MACROD2: variants seen among roughly 807,000 people sequenced by gnomAD.
The protein encoded by MACROD2 is mono-ADP ribosylhydrolase 2.
A neutral mutation model predicts 70.4 loss-of-function variants in MACROD2; 36 were observed. That is an observed-to-expected ratio of 0.51 (90% confidence interval 0.39 to 0.68). The LOEUF (loss-of-function observed/expected upper bound fraction) is 0.68. Ranked by LOEUF, MACROD2 falls within the 30% of genes least tolerant of loss-of-function variation. The pLI is 0.00. For missense variants in MACROD2, 496 were observed against 538.4 expected (o/e 0.92, Z 0.78); for synonymous variants, 172 against 178.8 (o/e 0.96, Z 0.30).
intron 10 of MACROD2, among the ~76,000 whole-genome samples, chr20:15,891,230 G>A (rs1410859683): frequency 6.6e-6 from 1 of 152,108 alleles, no homozygotes; most frequent in African/African-American, 2.4e-5. Flanking sequence ...GTGGGGGTGA[G>A]AACAGCAGGT....
chr20:15,779,564 G>A (rs1042793007), intron 8 of MACROD2, among the ~76,000 whole-genome samples: 1 of 152,134 alleles, frequency 6.6e-6, no homozygotes, highest in Admixed American at 6.6e-5. Flanking sequence ...TTAAGACTCT[G>A]GAAAACTTAC....
chr20:14,048,122 T>TCA (rs2053505311), intron 2 of MACROD2, among the ~76,000 whole-genome samples: 1 of 152,176 alleles, frequency 6.6e-6, no homozygotes, highest in Middle Eastern at 3.4e-3. Flanking sequence ...GTCCTGCTGC[T>TCA]CACTGCACAG....
Position 14,969,008 on chromosome 20 carries a change from T to C in MACROD2, c.419-260932T>C, listed in dbSNP as rs73272426. 7.3e-3 allele frequency among the ~76,000 whole-genome samples: 1,115 copies of C among 152,280 alleles called. 12 individuals carry two copies. The highest frequency in any genetic ancestry group is 0.025 in the African/African-American group (1,035 of 41,554). On this transcript the variant is annotated intron_variant, in intron 5 of 17. Transcript: ENST00000684519. ...AGTATCTCCAATATGAACTGTGAGA[T>C]GACTTTTGATAGTAGGTATTTCATC...
At chr20:15,733,770 TG>T (rs1040338596) in intron 8 of MACROD2, among the ~76,000 whole-genome samples, 26 of 152,322 alleles carry the variant, frequency 1.7e-4, no homozygotes, top group African/African-American at 5.5e-4. Context: ...GAATCTGAAC[TG>T]CAGAAACGTT....
At position 15,321,090 on chromosome 20, in the gene MACROD2, A is replaced by AGTT. The variant is rs1555804354; in HGVS notation, c.540+91029_540+91030insGTT. On this transcript the variant is annotated intron_variant, in intron 6 of 17. Transcript: ENST00000684519. Reference sequence around the variant, plus strand: ...CTGGCAGCTTCTGCAAAGTTGTTTCAAAATGCATGCCATCCTGATGACAGG... The same window carrying AGTT: ...CTGGCAGCTTCTGCAAAGTTGTTTCAGTTAAATGCATGCCATCCTGATGACAGG... Among the ~76,000 whole-genome samples the AGTT allele has an allele frequency of 1.9e-3, 202 of 104,624 alleles. 2 individuals carry two copies. Among genetic ancestry groups the AGTT allele is most frequent in the Middle Eastern group, 4.5e-3 (1 of 224 alleles). 68.6% of individuals were successfully genotyped at this position (104,624 alleles called of 152,430 possible). A position where few individuals can be genotyped will look rare whatever the true frequency, so the allele number is the denominator to read the frequency against.
At chr20:14,399,383 T>A (rs1435939735) in intron 3 of MACROD2, among the ~76,000 whole-genome samples, 1 of 152,136 alleles carries the variant, frequency 6.6e-6, no homozygotes, top group Non-Finnish European at 1.5e-5. Flanking sequence ...TTTTTCTTTT[T>A]CTATGCTTTA....
At chr20:14,966,101 A>T (rs1247540457) in intron 5 of MACROD2, among the ~76,000 whole-genome samples, 1 of 152,218 alleles carries the variant, frequency 6.6e-6, no homozygotes, top group African/African-American at 2.4e-5. Context: ...AAAATCCTGA[A>T]GACATTTCTC....
At chr20:14,681,137 A>G (rs1189174324) in intron 4 of MACROD2, among the ~76,000 whole-genome samples, 1 of 152,180 alleles carries the variant, frequency 6.6e-6, no homozygotes, top group Non-Finnish European at 1.5e-5. Flanking sequence ...ACAACAAGGG[A>G]CTGCCAAAAT....
intron 5 of MACROD2, among the ~76,000 whole-genome samples, chr20:15,143,602 A>AT (rs146926870): frequency 2.6e-4 from 40 of 151,092 alleles, no homozygotes; most frequent in South Asian, 2.3e-3. Context: ...CTTCATAGGC[A>AT]TTTTTTTTTA....
chr20:15,407,368 C>A (rs1472967345), intron 6 of MACROD2, among the ~76,000 whole-genome samples: 3 of 152,208 alleles, frequency 2.0e-5, no homozygotes, highest in African/African-American at 7.2e-5. Flanking sequence ...GGAGCACCAG[C>A]AGCCACAGTG....
chr20:14,759,977 T>C (rs1363276156), intron 5 of MACROD2, among the ~76,000 whole-genome samples: 1 of 152,076 alleles, frequency 6.6e-6, no homozygotes, highest in Non-Finnish European at 1.5e-5. Flanking sequence ...GAATTGGTAT[T>C]CCTGAGATAA....
intron 6 of MACROD2, among the ~76,000 whole-genome samples, chr20:15,407,256 G>A (rs1238919530): frequency 6.6e-6 from 1 of 152,108 alleles, no homozygotes. Context: ...TGCAGAGTTA[G>A]CCAGCTAGGG....
intron 4 of MACROD2, among the ~76,000 whole-genome samples, chr20:14,542,865 T>C (rs2085450409): frequency 6.6e-6 from 1 of 152,288 alleles, no homozygotes; most frequent in African/African-American, 2.4e-5. Flanking sequence ...AATATGACAA[T>C]TTTCATACTG....
chr20:14,646,135 C>T (rs1252240385), intron 4 of MACROD2, among the ~76,000 whole-genome samples: 2 of 149,306 alleles, frequency 1.3e-5, no homozygotes, highest in Non-Finnish European at 3.0e-5. Context: ...ACAATCATAG[C>T]CTTAAGATCT....
chr20:14,828,176 A>G (rs939373776), intron 5 of MACROD2, among the ~76,000 whole-genome samples: 7 of 152,136 alleles, frequency 4.6e-5, no homozygotes, highest in Middle Eastern at 3.4e-3. Context: ...TTTGCTTTAT[A>G]TATATTGTTT....
intron 15 of MACROD2, among the ~76,000 whole-genome samples, chr20:16,036,723 T>C (rs1051955023): frequency 6.6e-6 from 1 of 151,990 alleles, no homozygotes; most frequent in Non-Finnish European, 1.5e-5. Flanking sequence ...GCTATTAGGA[T>C]AGTACCAGTT....
chr20:15,016,182 A>G (rs866885949), intron 5 of MACROD2, among the ~76,000 whole-genome samples: 1 of 152,190 alleles, frequency 6.6e-6, no homozygotes, highest in Admixed American at 6.5e-5. Context: ...AAATCCTTCT[A>G]TCTTGAATAC....
intron 6 of MACROD2, among the ~76,000 whole-genome samples, chr20:15,381,671 G>A (rs7270342): frequency 0.19 from 28,411 of 151,886 alleles, 3,600 homozygotes; most frequent in African/African-American, 0.36. Flanking sequence ...GTCTCAAAAA[G>A]ACTAAAAACA....
intron 8 of MACROD2, among the ~76,000 whole-genome samples, chr20:15,770,514 G>T (rs949289123): frequency 3.3e-5 from 5 of 151,894 alleles, no homozygotes; most frequent in Middle Eastern, 6.3e-3. Context: ...TTTCACCCTT[G>T]TTCCCAACTC....
Sources: allele counts gnomAD v4.1 joint callset (sites outside exome capture counted in the v4.1 genomes callset), GRCh38; gene constraint gnomAD v4.1.1; transcripts MANE v1.5; gene names NCBI Gene and HGNC (gene_info 2026-07-23, HGNC 2026-07-21).